RELN: variants seen among roughly 807,000 people sequenced by gnomAD.
RELN encodes reelin.
In RELN, 108 loss-of-function variants were observed where a neutral mutation model predicts 427.6. That is an observed-to-expected ratio of 0.25 (90% CI 0.22 to 0.30). The LOEUF (loss-of-function observed/expected upper bound fraction) is 0.30, where lower values mean the gene tolerates loss of function less well. Among genes scored for constraint, RELN ranks in the 10% least tolerant of loss-of-function variants. RELN has a pLI of 1.00. For synonymous variants in RELN, 1,524 were observed against 1,513.4 expected (o/e 1.01, Z -0.16); for missense variants, 3,715 against 4,302.8 (o/e 0.86, Z 3.82).
At chr7:103,672,185 C>T (rs1584395090) in intron 11 of RELN, among the ~76,000 whole-genome samples, 1 of 152,104 alleles carries the variant, frequency 6.6e-6, no homozygotes, top group Admixed American at 6.6e-5. Context: ...GTTCTTGTTG[C>T]TCTATATGCA....
rs771875822 is a variant in RELN, at chr7:103,636,225, C to T, written c.2303+10G>A. On this transcript the variant is annotated intron_variant, in intron 18 of 64. Transcript: ENST00000428762. ...GGTTTTTGTATGTATTCTACCCTGC[C>T]TTCACTCACCTGGATTGTGAGCTGT... 1 of 1,579,728 alleles carries T rather than the reference C, an allele frequency of 6.3e-7. No homozygotes were observed. Among genetic ancestry groups the T allele is most frequent in the South Asian group, 1.1e-5 (1 of 90,326 alleles).
At chr7:103,615,797 G>A (rs1199708203) in intron 20 of RELN, among the ~76,000 whole-genome samples, 6 of 152,184 alleles carry the variant, frequency 3.9e-5, no homozygotes, top group African/African-American at 1.2e-4. Flanking sequence ...CTCAACTGGG[G>A]AGTAGGGAAG....
At chr7:103,636,194 G>A (rs550455821) in intron 18 of RELN, 41 bp downstream of exon 18, 1 of 1,265,534 alleles carries the variant, frequency 7.9e-7, no homozygotes, top group African/African-American at 1.5e-5. Context: ...TTCAACATTA[G>A]TATCTGGTTT....
Position 103,867,821 on chromosome 7 carries a change from G to C in RELN, c.338-34149C>G, listed in dbSNP as rs566067488. Among the ~76,000 whole-genome samples, 10 of 152,000 alleles carry C rather than the reference G, an allele frequency of 6.6e-5. 1 individual carries two copies. The highest frequency in any genetic ancestry group is 2.4e-4 in the African/African-American group (10 of 41,468). On this transcript the variant is annotated intron_variant, in intron 2 of 64. Coordinates refer to ENST00000428762, the MANE Select transcript of RELN (RefSeq NM_005045.4). ...CAGAATAGTAAGAGAGAAAAAAAAT[G>C]ACCGATTTTTTTTCTGTGATAAAAC...
intron 3 of RELN, among the ~76,000 whole-genome samples, chr7:103,779,718 A>G (rs532636326): frequency 2.7e-4 from 41 of 151,874 alleles, no homozygotes; most frequent in Non-Finnish European, 5.2e-4. Flanking sequence ...TCAGGGAGTG[A>G]TTTTCTTTTT....
intron 2 of RELN, among the ~76,000 whole-genome samples, chr7:103,836,485 C>G (rs1355543853): frequency 6.6e-6 from 1 of 152,116 alleles, no homozygotes; most frequent in Non-Finnish European, 1.5e-5. Context: ...ATGTCACCGG[C>G]CTTCAAGAAG....
In RELN at chr7:103,620,473, AC is replaced by A. The variant is rs1429717563; in HGVS notation, c.2703-8671del. ...TGGTTGAAGATAACTCACCCGATCCACATTTTTTTTTTTTTTTTGAGATAGA... is the reference window on the plus strand; with the variant it reads ...TGGTTGAAGATAACTCACCCGATCCAATTTTTTTTTTTTTTTTGAGATAGA... On this transcript the variant is annotated intron_variant, in intron 20 of 64. Transcript: ENST00000428762. This position sits in a 1 kb window ranked among gnomAD's most constrained non-coding sequence, Gnocchi z 4.1. 9.6e-6 allele frequency among the ~76,000 whole-genome samples: 1 copy of A among 103,808 alleles called. No homozygotes were observed. The highest frequency in any genetic ancestry group is 3.7e-4 in the South Asian group (1 of 2,716). The allele number at this position is 103,808 out of a possible 152,430, so 68.1% of individuals were successfully genotyped here. A position where few individuals can be genotyped will look rare whatever the true frequency, so the allele number is the denominator to read the frequency against.
At chr7:103,749,561 A>G in intron 5 of RELN, 57 bp from the exon 6 acceptor site, 1 of 1,219,218 alleles carries the variant, frequency 8.2e-7, no homozygotes, top group Non-Finnish European at 1.2e-6. Flanking sequence ...ACATTTAGCT[A>G]AACACAAGTG....
At chr7:103,974,247 G>A (rs1197550641) in intron 1 of RELN, among the ~76,000 whole-genome samples, 1 of 152,170 alleles carries the variant, frequency 6.6e-6, no homozygotes, top group Non-Finnish European at 1.5e-5. Flanking sequence ...AAACAACCCT[G>A]TGTGACGAGT....
At chr7:103,594,516 G>C (rs755878569) in intron 25 of RELN, 24 bp from the exon 26 acceptor site, 2 of 1,610,240 alleles carry the variant, frequency 1.2e-6, no homozygotes, top group Non-Finnish European at 8.5e-7. Flanking sequence ...AATCATTTAC[G>C]GTTGGGAAAA....
At chr7:103,729,522 G>T (rs1790300061) in intron 6 of RELN, among the ~76,000 whole-genome samples, 2 of 152,020 alleles carry the variant, frequency 1.3e-5, no homozygotes, top group Admixed American at 1.3e-4. Flanking sequence ...ACATATTTTA[G>T]AAAAAACATA....
At chr7:103,725,331 C>A (rs62482645) in intron 7 of RELN, among the ~76,000 whole-genome samples, 37,674 of 152,100 alleles carry the variant, frequency 0.25, 4,817 homozygotes, top group South Asian at 0.38. Flanking sequence ...GGCAGTAGGA[C>A]TGCTTGAGCC....
At chr7:103,801,524 C>G (rs1001292028) in intron 3 of RELN, among the ~76,000 whole-genome samples, 1 of 144,786 alleles carries the variant, frequency 6.9e-6, no homozygotes, top group Non-Finnish European at 1.5e-5. Context: ...GGTGGAAACT[C>G]AACAATGAGA....
chr7:103,839,303 C>CCTTT (rs765305904), intron 2 of RELN, among the ~76,000 whole-genome samples: 1 of 121,210 alleles, frequency 8.3e-6, no homozygotes, highest in Non-Finnish European at 1.7e-5. Flanking sequence ...GTGGTCTTTG[C>CCTTT]TTTTTTTTTT....
intron 1 of RELN, among the ~76,000 whole-genome samples, chr7:103,977,287 G>A (rs796260704): frequency 1.5e-5 from 2 of 133,126 alleles, no homozygotes; most frequent in African/African-American, 6.5e-5. Flanking sequence ...CTCCAGCCTG[G>A]GTGACAGAGT....
chr7:103,893,986 C>G (rs1057053880), intron 2 of RELN, among the ~76,000 whole-genome samples: 1 of 152,098 alleles, frequency 6.6e-6, no homozygotes, highest in Admixed American at 6.6e-5. Context: ...CATAGCCGAA[C>G]GCTGAATAGA....
At chr7:103,876,950 G>A (rs1271413016) in intron 2 of RELN, among the ~76,000 whole-genome samples, 2 of 151,822 alleles carry the variant, frequency 1.3e-5, no homozygotes, top group Admixed American at 1.3e-4. Flanking sequence ...CACTTTTCAG[G>A]CTTTACTTCA....
At chr7:103,643,112 CA>C (rs1832726911) in intron 16 of RELN, among the ~76,000 whole-genome samples, 1 of 151,988 alleles carries the variant, frequency 6.6e-6, no homozygotes, top group African/African-American at 2.4e-5. Context: ...AGAATTTGGT[CA>C]TTTCTCAATG....
At chr7:103,816,229 A>G (rs1034959104) in intron 3 of RELN, among the ~76,000 whole-genome samples, 21 of 152,118 alleles carry the variant, frequency 1.4e-4, no homozygotes, top group African/African-American at 5.1e-4. Context: ...ACATACAAAA[A>G]TTGGCTGGGC....
Sources: allele counts gnomAD v4.1 joint callset (sites outside exome capture counted in the v4.1 genomes callset), GRCh38; gene constraint gnomAD v4.1.1; non-coding constraint Gnocchi (gnomAD v3.1); transcripts MANE v1.5; gene names NCBI Gene and HGNC (gene_info 2026-07-23, HGNC 2026-07-21).